Variants in VWC2 observed in about 807,000 individuals in gnomAD.
VWC2 encodes brorin.
Under a neutral mutation model 29.8 loss-of-function variants are expected in VWC2, and 14 were observed. The observed-to-expected ratio is 0.47, with a 90% CI of 0.31 to 0.74. The LOEUF (loss-of-function observed/expected upper bound fraction) is 0.74, where lower values mean the gene tolerates loss of function less well. VWC2 is among the 30% of genes least tolerant of loss of function. VWC2 has a pLI of 0.05. For synonymous variants in VWC2, 213 were observed against 199.0 expected (o/e 1.07, Z -0.59); for missense variants, 457 against 459.8 (o/e 0.99, Z 0.05).
intron 2 of VWC2, among the ~76,000 whole-genome samples, chr7:49,800,776 A>G (rs1359793939): frequency 1.4e-5 from 2 of 146,606 alleles, no homozygotes; most frequent in Non-Finnish European, 3.0e-5. Flanking sequence ...GAATGAGGGA[A>G]TTGGTAGGAG....
At chr7:49,898,513 G>T (rs1433222759) in intron 3 of VWC2, among the ~76,000 whole-genome samples, 1 of 151,926 alleles carries the variant, frequency 6.6e-6, no homozygotes, top group Non-Finnish European at 1.5e-5. Flanking sequence ...ACTTTTGAAA[G>T]TTAATTCTGC....
At chr7:49,790,925 G>T (rs993031210) in intron 2 of VWC2, among the ~76,000 whole-genome samples, 7 of 152,078 alleles carry the variant, frequency 4.6e-5, no homozygotes, top group African/African-American at 1.7e-4. Flanking sequence ...GGGCTGACAG[G>T]TGCAGGCAGA....
At chr7:49,856,622 T>C (rs1223200759) in intron 3 of VWC2, among the ~76,000 whole-genome samples, 1 of 152,214 alleles carries the variant, frequency 6.6e-6, no homozygotes, top group Non-Finnish European at 1.5e-5. Context: ...TTTGGTGAGT[T>C]TGGACATAAG....
chr7:49,911,658 AAGCCAAGGTGGG>A (rs1294674791), intron 3 of VWC2, among the ~76,000 whole-genome samples: 2 of 151,942 alleles, frequency 1.3e-5, no homozygotes, highest in Non-Finnish European at 2.9e-5. Context: ...GCACTTTGGG[AAGCCAAGGTGGG>A]TGGATCACTT....
intron 3 of VWC2, among the ~76,000 whole-genome samples, chr7:49,839,569 A>G (rs1226357733): frequency 2.0e-5 from 3 of 152,134 alleles, no homozygotes; most frequent in Admixed American, 1.3e-4. Flanking sequence ...CACCTGGACA[A>G]GATCTGGCTG....
chr7:49,909,554 G>T (rs574843376), intron 3 of VWC2, among the ~76,000 whole-genome samples: 1 of 152,204 alleles, frequency 6.6e-6, no homozygotes, highest in South Asian at 2.1e-4. Context: ...GTGGGGAGGG[G>T]TCTTGAATTT....
intron 3 of VWC2, among the ~76,000 whole-genome samples, chr7:49,882,366 T>C (rs895738096): frequency 6.6e-6 from 1 of 152,174 alleles, no homozygotes; most frequent in Admixed American, 6.6e-5. Context: ...AACATATCAG[T>C]ATTTCACGTC....
intron 3 of VWC2, among the ~76,000 whole-genome samples, chr7:49,851,744 G>A (rs1356466787): frequency 6.6e-6 from 1 of 152,090 alleles, no homozygotes; most frequent in Non-Finnish European, 1.5e-5. Context: ...TATAATCCCA[G>A]CTACTTGGGA....
chr7:49,850,817 G>A (rs1022544049), intron 3 of VWC2, among the ~76,000 whole-genome samples: 1 of 152,178 alleles, frequency 6.6e-6, no homozygotes, highest in African/African-American at 2.4e-5. Flanking sequence ...TACTCAGCAA[G>A]CATGTACTGC....
intron 3 of VWC2, among the ~76,000 whole-genome samples, chr7:49,815,455 A>T (rs576248684): frequency 6.6e-6 from 1 of 152,354 alleles, no homozygotes; most frequent in East Asian, 1.9e-4. Flanking sequence ...GTGTAAATGT[A>T]TAAAGCCTCT....
At chr7:49,789,106 GAT>G (rs1491535885) in intron 2 of VWC2, among the ~76,000 whole-genome samples, 2 of 133,490 alleles carry the variant, frequency 1.5e-5, no homozygotes, top group South Asian at 2.2e-4. Context: ...GTGAGAGAGA[GAT>G]TGAGAGAGTG....
At chr7:49,817,159 G>A (rs1009427588) in intron 3 of VWC2, among the ~76,000 whole-genome samples, 5 of 152,190 alleles carry the variant, frequency 3.3e-5, no homozygotes, top group Non-Finnish European at 7.3e-5. Flanking sequence ...AAGGCCCTCT[G>A]TTCTTTAGAA....
At chr7:49,906,839 G>C (rs1793124745) in intron 3 of VWC2, among the ~76,000 whole-genome samples, 2 of 152,198 alleles carry the variant, frequency 1.3e-5, no homozygotes, top group Admixed American at 1.3e-4. Flanking sequence ...AACACTTGAT[G>C]TTTTCGTTGG....
rs560046044 is a variant in VWC2 at position 49,870,042 on chromosome 7, C to T, written c.827-41992C>T. On this transcript the variant is annotated intron_variant, in intron 3 of 3. Transcript: ENST00000340652. ...AGTTGAAATTCAAGAACAGGAAAAC[C>T]GATCTATGGTGGTAGAAGACAGAAG... 1.4e-4 allele frequency among the ~76,000 whole-genome samples: 21 copies of T among 152,186 alleles called. 1 individual carries two copies. The East Asian group carries it at 2.5e-3, about 18-fold the overall frequency.
At position 49,791,494 on chromosome 7, in the gene VWC2, A is replaced by G. The variant is rs550256312; in HGVS notation, c.697-11217A>G. 1.2e-4 allele frequency among the ~76,000 whole-genome samples: 18 copies of G among 152,330 alleles called. No homozygotes were observed. The South Asian group carries it at 1.4e-3, about 12-fold the overall frequency. ...ATTGCTTTTCCTTCCATGGCTCCCA[A>G]TATTTGCTGATGGCTGAAAACAGTT... is the stretch of plus-strand genomic sequence containing the variant. On this transcript the variant is annotated intron_variant, in intron 2 of 3. Transcript: ENST00000340652.
chr7:49,834,238 T>A (rs1467418823), intron 3 of VWC2, among the ~76,000 whole-genome samples: 1 of 152,220 alleles, frequency 6.6e-6, no homozygotes, highest in African/African-American at 2.4e-5. Context: ...GAGGCAAACT[T>A]CAAGGTTGAC....
At chr7:49,897,810 C>T (rs776340429) in intron 3 of VWC2, among the ~76,000 whole-genome samples, 1 of 152,138 alleles carries the variant, frequency 6.6e-6, no homozygotes, top group Non-Finnish European at 1.5e-5. Flanking sequence ...TAAAAAACTC[C>T]ACAGGGATTC....
chr7:49,834,146 A>G (rs185974918), intron 3 of VWC2, among the ~76,000 whole-genome samples: 6 of 152,168 alleles, frequency 3.9e-5, no homozygotes, highest in Non-Finnish European at 8.8e-5. Flanking sequence ...GAGCCCTTCT[A>G]TTTTCCACCA....
chr7:49,862,730 T>A (rs570455370), intron 3 of VWC2, among the ~76,000 whole-genome samples: 2 of 152,082 alleles, frequency 1.3e-5, no homozygotes, highest in Non-Finnish European at 2.9e-5. Flanking sequence ...CCATGAGTTT[T>A]TTTTTTTCAT....
Sources: gnomAD v4.1 joint callset for allele counts (sites outside exome capture counted in the v4.1 genomes callset) on GRCh38, gnomAD v4.1.1 for gene constraint, MANE v1.5 for transcripts, NCBI Gene and HGNC (gene_info 2026-07-23, HGNC 2026-07-21) for gene names.